IL17B: variants seen among roughly 807,000 people sequenced by gnomAD.
IL17B encodes interleukin-17B.
A neutral mutation model predicts 14.7 loss-of-function variants in IL17B; 14 were observed. The observed-to-expected ratio is 0.95, with a 90% CI of 0.63 to 1.49. The LOEUF is 1.49. Ranked by LOEUF, IL17B falls within the 40% of genes most tolerant of loss-of-function variation. The pLI, the probability that IL17B is intolerant of heterozygous loss-of-function variation, is 0.00. For missense variants in IL17B, 233 were observed against 252.8 expected, an observed-to-expected ratio of 0.92 and a Z score of 0.53; for synonymous variants, 105 against 94.8, an observed-to-expected ratio of 1.11 and a Z score of -0.62.
At position 149,374,697 on chromosome 5, in the gene IL17B, TA is replaced by T; in HGVS notation, c.312-98del. On this transcript the variant is annotated intron_variant, in intron 2 of 2. Transcript: ENST00000261796. The surrounding 1 kb of genome is among the most constrained non-coding windows in gnomAD (Gnocchi z 5.0). The stretch of plus-strand genomic sequence containing the variant: ...CCCCTGCCTTTCCTAATCAGAGTTT[TA>T]ATTTCCACAGCAAGACTGTGTTGGG... The T allele has an allele frequency of 1.1e-6, 1 of 885,330 alleles. No individual in the cohort carries two copies. Among genetic ancestry groups the T allele is most frequent in the Non-Finnish European group, 1.7e-6 (1 of 581,176 alleles). The allele number at this position is 885,330 out of a possible 1,614,324, so 54.8% of individuals were successfully genotyped here.
At chr5:149,375,868 G>C (rs2127616702) in intron 2 of IL17B, among the ~76,000 whole-genome samples, 1 of 152,262 alleles carries the variant, frequency 6.6e-6, no homozygotes, top group African/African-American at 2.4e-5. Context: ...AACAGAGTGA[G>C]ACCCTGTCTC....
chr5:149,397,253 T>C (rs1759111054), intron 1 of IL17B, among the ~76,000 whole-genome samples: 1 of 152,190 alleles, frequency 6.6e-6, no homozygotes, highest in African/African-American at 2.4e-5. Flanking sequence ...CACTGCAACA[T>C]CTACCCCTTG....
chr5:149,402,344 C>A (rs1000184978), intron 1 of IL17B, among the ~76,000 whole-genome samples: 1 of 152,192 alleles, frequency 6.6e-6, no homozygotes, highest in African/African-American at 2.4e-5. Context: ...CAATGCAAGC[C>A]TTTCCCACAA....
chr5:149,382,655 G>A (rs376222811), upstream of IL17B, among the ~76,000 whole-genome samples: 7 of 152,226 alleles, frequency 4.6e-5, no homozygotes, highest in African/African-American at 9.6e-5. Context: ...TGCTCCCTGC[G>A]GTGGAGTAAG....
At chr5:149,387,128 A>G (rs757771286) in intron 1 of IL17B, among the ~76,000 whole-genome samples, 3 of 152,258 alleles carry the variant, frequency 2.0e-5, no homozygotes, top group Non-Finnish European at 4.4e-5. Context: ...CACCTCCTGC[A>G]TGCATGGGAA....
At chr5:149,392,977 CGT>C (rs902743122) in intron 1 of IL17B, among the ~76,000 whole-genome samples, 220 of 141,230 alleles carry the variant, frequency 1.6e-3, no homozygotes, top group African/African-American at 4.1e-3. Context: ...TGCGCGCGTG[CGT>C]GTGTGTGTGC....
At chr5:149,388,857 C>A (rs1315488060) in intron 1 of IL17B, among the ~76,000 whole-genome samples, 1 of 152,234 alleles carries the variant, frequency 6.6e-6, no homozygotes, top group Non-Finnish European at 1.5e-5. Flanking sequence ...AAATCAGGTT[C>A]TGGAGTCTCT....
chr5:149,399,949 G>A (rs422727), intron 1 of IL17B, among the ~76,000 whole-genome samples: 79,141 of 151,912 alleles, frequency 0.52, 20,809 homozygotes, highest in Middle Eastern at 0.57. Context: ...CAGACTTCCA[G>A]TGGTTCTGGA....
intron 1 of IL17B, among the ~76,000 whole-genome samples, chr5:149,393,661 C>T (rs1180500748): frequency 6.6e-6 from 1 of 152,166 alleles, no homozygotes; most frequent in Non-Finnish European, 1.5e-5. Flanking sequence ...TCCCTCTCTT[C>T]CTCTCTTCCT....
In IL17B at chr5:149,390,414, T is replaced by A. The variant is rs558021277; in HGVS notation, n.96-13389A>T. ...GGATACAAGGGTCTTGTGAAGACTC[T>A]CCCACGCCCAGATGCTTAAGGTCCA... On this transcript the variant is annotated intron_variant and non_coding_transcript_variant, in intron 1 of 2. Coordinates refer to the IL17B transcript ENST00000505432. Among the ~76,000 whole-genome samples, 13 of 151,994 alleles carry A rather than the reference T, an allele frequency of 8.6e-5. No individual in the cohort carries two copies. In the South Asian group the frequency reaches 2.7e-3, roughly 32 times the overall value.
upstream of IL17B, among the ~76,000 whole-genome samples, chr5:149,381,206 C>T (rs949817606): frequency 2.6e-5 from 4 of 152,266 alleles, no homozygotes; most frequent in African/African-American, 9.6e-5. Context: ...GAAATACGCA[C>T]CCCTCACTTC....
chr5:149,375,327 C>G (rs530319555), intron 2 of IL17B, among the ~76,000 whole-genome samples: 2 of 152,304 alleles, frequency 1.3e-5, no homozygotes, highest in South Asian at 2.1e-4. Context: ...TTTTCTGCAC[C>G]TCGGTTTCCC....
chr5:149,398,486 C>T lies in IL17B; in HGVS notation n.95+5622G>A, dbSNP rs78713358. ...TTTTGAGAAAAGAGAGCGGCAGACACAGACACAGCCCTTACAGAGCTAGTG... is the reference window on the plus strand; with the variant it reads ...TTTTGAGAAAAGAGAGCGGCAGACATAGACACAGCCCTTACAGAGCTAGTG... On this transcript the variant is annotated intron_variant and non_coding_transcript_variant, in intron 1 of 2. Coordinates refer to the IL17B transcript ENST00000505432. Among the ~76,000 whole-genome samples, 29 of 152,346 alleles carry T rather than the reference C, an allele frequency of 1.9e-4. No individual in the cohort carries two copies. The East Asian group carries it at 5.6e-3, about 29-fold the overall frequency.
intron 1 of IL17B, among the ~76,000 whole-genome samples, chr5:149,401,251 C>T (rs753605027): frequency 2.0e-4 from 31 of 152,214 alleles, no homozygotes; most frequent in Admixed American, 1.8e-3. Context: ...TCCCTTTCTG[C>T]TCAAATGAGC....
intron 2 of IL17B, among the ~76,000 whole-genome samples, chr5:149,376,251 A>G (rs1262762427): frequency 6.6e-6 from 1 of 152,208 alleles, no homozygotes; most frequent in African/African-American, 2.4e-5. Flanking sequence ...GTGGAGCTAT[A>G]AGAAATAGCA....
At chr5:149,400,188 C>T (rs953923799) in intron 1 of IL17B, among the ~76,000 whole-genome samples, 3 of 152,126 alleles carry the variant, frequency 2.0e-5, no homozygotes, top group African/African-American at 7.2e-5. Flanking sequence ...TTAGGGTGGG[C>T]CCCTAATCCA....
intron 1 of IL17B, 85 bp downstream of exon 1, chr5:149,379,120 G>A (rs1402423568): frequency 1.3e-6 from 2 of 1,520,442 alleles, no homozygotes; most frequent in Middle Eastern, 1.7e-4. Flanking sequence ...CCAAACAGAG[G>A]CAGCCATTAA....
At chr5:149,392,334 C>T (rs183837953) in intron 1 of IL17B, among the ~76,000 whole-genome samples, 21 of 152,334 alleles carry the variant, frequency 1.4e-4, no homozygotes, top group Non-Finnish European at 2.4e-4. Flanking sequence ...AGTGCTCATC[C>T]TTATAGGATG....
At chr5:149,381,346 G>A (rs528018366), upstream of IL17B, among the ~76,000 whole-genome samples, 1 of 152,210 alleles carries the variant, frequency 6.6e-6, no homozygotes, top group South Asian at 2.1e-4. Context: ...CTTAGCACGA[G>A]GCCAGTTTGG....
Sources: allele counts gnomAD v4.1 joint callset (sites outside exome capture counted in the v4.1 genomes callset), GRCh38; gene constraint gnomAD v4.1.1; non-coding constraint Gnocchi (gnomAD v3.1); transcripts MANE v1.5; gene names NCBI Gene and HGNC (gene_info 2026-07-23, HGNC 2026-07-21).